TMEM131L: variants seen among roughly 807,000 people sequenced by gnomAD.
TMEM131L encodes the protein transmembrane 131 like.
Under a neutral mutation model 192.2 loss-of-function variants are expected in TMEM131L, and 54 were observed. The observed-to-expected ratio is 0.28, with a 90% confidence interval of 0.23 to 0.35. The LOEUF is 0.35. Among genes scored for constraint, TMEM131L ranks in the 10% least tolerant of loss-of-function variants. The pLI, the probability that TMEM131L is intolerant of heterozygous loss-of-function variation, is 1.00. For missense variants in TMEM131L, 1,888 were observed against 1,972.9 expected, an observed-to-expected ratio of 0.96 and a Z score of 0.82; for synonymous variants, 701 against 704.9, an observed-to-expected ratio of 0.99 and a Z score of 0.09.
At chr4:153,468,571 A>T (rs1019886662) in intron 2 of TMEM131L, among the ~76,000 whole-genome samples, 11 of 152,206 alleles carry the variant, frequency 7.2e-5, no homozygotes, top group Non-Finnish European at 1.5e-4. Flanking sequence ...TATTTATTTT[A>T]AAAAAATTAT....
chr4:153,619,355 C>T (rs1733226267), intron 26 of TMEM131L, among the ~76,000 whole-genome samples: 1 of 152,212 alleles, frequency 6.6e-6, no homozygotes, highest in African/African-American at 2.4e-5. Context: ...AAATGTGGTG[C>T]ATGTCTGTTT....
chr4:153,468,634 C>G (rs4558856), intron 2 of TMEM131L, among the ~76,000 whole-genome samples: 69,205 of 151,936 alleles, frequency 0.46, 18,395 homozygotes, highest in African/African-American at 0.75. Context: ...TTTTGGGCTA[C>G]AGAGTTCTTT....
chr4:153,486,973 C>T (rs1339196211), intron 3 of TMEM131L, among the ~76,000 whole-genome samples: 4 of 152,186 alleles, frequency 2.6e-5, no homozygotes, highest in Non-Finnish European at 4.4e-5. Context: ...CAGTGTTTCT[C>T]GAAGCCTGGT....
intron 3 of TMEM131L, among the ~76,000 whole-genome samples, chr4:153,521,669 A>G (rs548257549): frequency 6.6e-6 from 1 of 152,068 alleles, no homozygotes; most frequent in African/African-American, 2.4e-5. Context: ...TGCCCATTGA[A>G]CAATAACTCC....
At chr4:153,622,039 C>T (rs1232996918) in intron 28 of TMEM131L, among the ~76,000 whole-genome samples, 190 bp downstream of exon 28, 1 of 152,202 alleles carries the variant, frequency 6.6e-6, no homozygotes, top group South Asian at 2.1e-4. Flanking sequence ...TCTCAGTAGG[C>T]CTCTAGTGCT....
chr4:153,614,251 G>A (rs1487082838), intron 26 of TMEM131L, among the ~76,000 whole-genome samples: 2 of 152,200 alleles, frequency 1.3e-5, no homozygotes, highest in Non-Finnish European at 2.9e-5. Context: ...TAGGTCGGAA[G>A]GCCATTGAAT....
chr4:153,543,264 G>A (rs959976924), intron 3 of TMEM131L, among the ~76,000 whole-genome samples: 1 of 152,120 alleles, frequency 6.6e-6, no homozygotes, highest in African/African-American at 2.4e-5. Context: ...TAATTGACTG[G>A]TAAGAATGGC....
intron 25 of TMEM131L, among the ~76,000 whole-genome samples, chr4:153,608,591 T>A (rs1732401088): frequency 6.6e-6 from 1 of 152,224 alleles, no homozygotes; most frequent in Admixed American, 6.6e-5. Flanking sequence ...TGATAATAGC[T>A]CAAGCCTTGA....
chr4:153,550,122 GT>G lies in TMEM131L; in HGVS notation c.293del (p.Leu98Ter). ...AAAAGGCTTACATTTTCAGCCATCA[GT>G]TTTAGATTTTGGAATACAGTAAGTA... ...SGKGLHFQPS[V>X]LDFGIQFLGH... On this transcript the variant is annotated frameshift_variant, in exon 4 of 35. Transcript: ENST00000409959. LOFTEE classifies it high-confidence loss of function. 6.8e-7 allele frequency: 1 copy of G among 1,471,652 alleles called. No individual in the cohort carries two copies. Among genetic ancestry groups the G allele is most frequent in the Non-Finnish European group, 9.1e-7 (1 of 1,094,024 alleles). 91.2% of individuals were successfully genotyped at this position (1,471,652 alleles called of 1,614,324 possible).
At position 153,618,702 on chromosome 4, in the gene TMEM131L, G is replaced by A. The variant is rs182904305; in HGVS notation, c.3568-2054G>A. Among the ~76,000 whole-genome samples the A allele has an allele frequency of 1.7e-3, 264 of 151,780 alleles. 1 individual carries two copies. Among genetic ancestry groups the A allele is most frequent in the Admixed American group, 6.9e-3 (103 of 15,012 alleles). On this transcript the variant is annotated intron_variant, in intron 26 of 34. Coordinates refer to ENST00000409959, the MANE Select transcript of TMEM131L (RefSeq NM_001131007.2). ...ATTGAAACTAGGCAGTTTAGCCTCC[G>A]AGATATACTCCTAATTGCAGCTCCA...
At chr4:153,552,695 A>T (rs1471275893) in intron 4 of TMEM131L, among the ~76,000 whole-genome samples, 1 of 152,076 alleles carries the variant, frequency 6.6e-6, no homozygotes, top group Non-Finnish European at 1.5e-5. Context: ...TTAGCTAAGC[A>T]TGGTGGTGCA....
chr4:153,500,101 T>C (rs919994132), intron 3 of TMEM131L, among the ~76,000 whole-genome samples: 5 of 151,632 alleles, frequency 3.3e-5, no homozygotes, highest in Admixed American at 6.6e-5. Flanking sequence ...CTCCCTCCCT[T>C]CTTTCTTTTT....
At chr4:153,606,020 C>T (rs890052888) in intron 25 of TMEM131L, among the ~76,000 whole-genome samples, 22 of 152,282 alleles carry the variant, frequency 1.4e-4, no homozygotes, top group African/African-American at 4.8e-4. Context: ...GGACACTGTG[C>T]CCTGTCTCCT....
chr4:153,596,196 C>T lies in TMEM131L; in HGVS notation c.1996-62C>T. ...AATCGTGTTTAAACTCTAGGATGCA[C>T]TTAATGACAATGGAAGCTTGCTTTC... is the stretch of plus-strand genomic sequence containing the variant. On this transcript the variant is annotated intron_variant, in intron 19 of 34. Coordinates refer to ENST00000409959, the MANE Select transcript of TMEM131L (RefSeq NM_001131007.2). 3 of 1,589,978 alleles carry T rather than the reference C, an allele frequency of 1.9e-6. No homozygotes were observed. The South Asian group carries it at 3.3e-5, about 18-fold the overall frequency.
Position 153,623,033 on chromosome 4 carries a change from C to A in TMEM131L, c.3995C>A (p.Ser1332Tyr). Residue 1332 changes from serine (S) to tyrosine (Y), a missense_variant, in exon 29 of 35, where the codon TCC (serine) becomes TAC (tyrosine). Coordinates refer to ENST00000409959, the MANE Select transcript of TMEM131L (RefSeq NM_001131007.2). ...SWGSWSSTSS[S>Y]DGDKKPMVDA... The stretch of plus-strand genomic sequence containing the variant: ...GGGAGCTGGAGCAGCACCAGCAGCT[C>A]CGACGGGGATAAGAAGCCCATGGTG... 1 of 1,613,832 alleles carries A rather than the reference C, an allele frequency of 6.2e-7. No homozygotes were observed. Among genetic ancestry groups the A allele is most frequent in the East Asian group, 2.2e-5 (1 of 44,882 alleles).
chr4:153,635,779 T>C (rs926676106), intron 34 of TMEM131L, among the ~76,000 whole-genome samples: 1 of 152,196 alleles, frequency 6.6e-6, no homozygotes, highest in African/African-American at 2.4e-5. Context: ...CTTGCAGACA[T>C]TGACATTCTG....
At chr4:153,605,123 G>A (rs1373802778) in intron 25 of TMEM131L, among the ~76,000 whole-genome samples, 1 of 152,198 alleles carries the variant, frequency 6.6e-6, no homozygotes, top group Non-Finnish European at 1.5e-5. Flanking sequence ...ATCTCAGGTT[G>A]CCTGGCCCTG....
rs551217920 is a variant in TMEM131L at position 153,501,066 on chromosome 4, A to C, written c.239+27178A>C. Among the ~76,000 whole-genome samples the C allele has an allele frequency of 1.6e-4, 25 of 152,328 alleles. No homozygotes were observed. The East Asian group carries it at 4.8e-3, about 29-fold the overall frequency. On this transcript the variant is annotated intron_variant, in intron 3 of 34. Transcript: ENST00000409959. Reference sequence around the variant, plus strand: ...AAGTGGAAGATTAACAGGGTACGCCAAGTACCCTGCACAGTGGATTTAGAG... The same window carrying C: ...AAGTGGAAGATTAACAGGGTACGCCCAGTACCCTGCACAGTGGATTTAGAG...
chr4:153,636,030 C>G (rs1026841993), intron 34 of TMEM131L, among the ~76,000 whole-genome samples: 1 of 152,156 alleles, frequency 6.6e-6, no homozygotes, highest in Non-Finnish European at 1.5e-5. Flanking sequence ...TTCACATCCG[C>G]TTGACACTTG....
Sources: gnomAD v4.1 joint callset for allele counts (sites outside exome capture counted in the v4.1 genomes callset) on GRCh38, gnomAD v4.1.1 for gene constraint, MANE v1.5 for transcripts, NCBI Gene and HGNC (gene_info 2026-07-23, HGNC 2026-07-21) for gene names.